NUP88: variants seen among roughly 807,000 people sequenced by gnomAD.
NUP88 encodes nucleoporin 88.
A neutral mutation model predicts 93.9 loss-of-function variants in NUP88; 57 were observed. That is an observed-to-expected ratio of 0.61 (90% CI 0.49 to 0.76). The LOEUF (loss-of-function observed/expected upper bound fraction) is 0.76. NUP88 is among the 30% of genes least tolerant of loss of function. NUP88 has a pLI of 0.00. For synonymous variants in NUP88, 346 were observed against 336.8 expected, an observed-to-expected ratio of 1.03 and a Z score of -0.30; for missense variants, 911 against 901.0, an observed-to-expected ratio of 1.01 and a Z score of -0.14.
Position 5,404,095 on chromosome 17 carries a change from T to C in NUP88, c.1192+4A>G. On this transcript the variant is annotated splice_donor_region_variant and intron_variant, in intron 7 of 16. Transcript: ENST00000573584. ...AAAAGCACTACATTTATTGAAGAGC[T>C]TACCTCTATGAAGTTTGACTGGACA... 1 of 1,613,770 alleles carries C rather than the reference T, an allele frequency of 6.2e-7. No individual in the cohort carries two copies. The highest frequency in any genetic ancestry group is 8.5e-7 in the Non-Finnish European group (1 of 1,179,760).
chr17:5,387,159 G>A lies in NUP88; in HGVS notation c.1917-49C>T, dbSNP rs141160431. Reference sequence around the variant, plus strand: ...CTCAATTTAAGGTCTCTACTAATTAGGAGAAACATAATCACAAGCTCATAA... The same window carrying A: ...CTCAATTTAAGGTCTCTACTAATTAAGAGAAACATAATCACAAGCTCATAA... On this transcript the variant is annotated intron_variant, in intron 14 of 16. Coordinates refer to ENST00000573584, the MANE Select transcript of NUP88 (RefSeq NM_002532.6). 1,123 of 1,587,514 alleles carry A rather than the reference G, an allele frequency of 7.1e-4. 6 individuals carry two copies. In the African/African-American group the frequency reaches 0.013, roughly 19 times the overall value.
chr17:5,390,483 T>A lies in NUP88; in HGVS notation c.1484+1078A>T, dbSNP rs1024282874. 2.0e-5 allele frequency among the ~76,000 whole-genome samples: 3 copies of A among 152,192 alleles called. No individual in the cohort carries two copies. In the East Asian group the frequency reaches 5.8e-4, roughly 29 times the overall value. On this transcript the variant is annotated intron_variant, in intron 10 of 16. Coordinates refer to ENST00000573584, the MANE Select transcript of NUP88 (RefSeq NM_002532.6). Reference sequence around the variant, plus strand: ...AAGGACAGTAAACTACTGCCAGTATTAGGAATTTATGTCAGCATCCAGAGG... The same window carrying A: ...AAGGACAGTAAACTACTGCCAGTATAAGGAATTTATGTCAGCATCCAGAGG...
At chr17:5,406,604 A>ATGGTGACGTAGGCAGG (rs1555529466) in intron 5 of NUP88, among the ~76,000 whole-genome samples, 2 of 151,506 alleles carry the variant, frequency 1.3e-5, no homozygotes, top group Admixed American at 1.3e-4. Context: ...AGCCAGGCAG[A>ATGGTGACGTAGGCAGG]TGGTGAAGTA....
At position 5,394,998 on chromosome 17, in the gene NUP88, T is replaced by G. The variant is rs767701288; in HGVS notation, c.1292-17A>C. ...CTTCTTCATCTACCATGGAAGACAT[T>G]ACATAAATGAAATGATGCTTAGACA... On this transcript the variant is annotated splice_polypyrimidine_tract_variant and intron_variant, in intron 8 of 16. Transcript: ENST00000573584. 6.8e-7 allele frequency: 1 copy of G among 1,470,930 alleles called. No individual in the cohort carries two copies. The highest frequency in any genetic ancestry group is 1.4e-5 in the African/African-American group (1 of 72,108). The allele number at this position is 1,470,930 out of a possible 1,614,324, so 91.1% of individuals were successfully genotyped here.
chr17:5,387,213 C>A (rs1436136591), intron 14 of NUP88, 103 bp from the exon 15 acceptor site: 3 of 1,402,108 alleles, frequency 2.1e-6, no homozygotes, highest in Non-Finnish European at 3.0e-6. Flanking sequence ...CTGAAGTAGG[C>A]CCCATAGGAA....
intron 16 of NUP88, 23 bp from the exon 17 acceptor site, chr17:5,386,292 A>G: frequency 6.4e-7 from 1 of 1,561,150 alleles, no homozygotes; most frequent in Non-Finnish European, 8.8e-7. Context: ...AAAGTCACTC[A>G]CTTTTGGAAT....
rs1806262 is a variant in NUP88 at position 5,413,976 on chromosome 17, C to A, written c.593+33G>T. 1.8e-5 allele frequency: 29 copies of A among 1,607,218 alleles called. No individual in the cohort carries two copies. The African/African-American group carries it at 3.5e-4, about 19-fold the overall frequency. On this transcript the variant is annotated intron_variant, in intron 3 of 16. Coordinates refer to ENST00000573584, the MANE Select transcript of NUP88 (RefSeq NM_002532.6). ...CAAACAGAAACAGAGCTTTCCCACT[C>A]GCAAGGCTTCAAGAGAGAGAAATAA...
chr17:5,419,572 G>A lies in NUP88; in HGVS notation c.79C>T (p.Leu27Phe), dbSNP rs1914476583. 2 of 1,610,740 alleles carry A rather than the reference G, an allele frequency of 1.2e-6. No homozygotes were observed. The highest frequency in any genetic ancestry group is 1.7e-6 in the Non-Finnish European group (2 of 1,177,800). Residue 27 changes from leucine (L) to phenylalanine (F), a missense_variant, in exon 1 of 17, where the codon CTC becomes TTC. Coordinates refer to ENST00000573584, the MANE Select transcript of NUP88 (RefSeq NM_002532.6). ...WLPNHVVFLR[L>F]REGLKNQSPT... ...CTCTGGTTTTTCAGTCCCTCCCGGAGCCGCAAGAACACGACGTGGTTAGGA... is the reference window on the plus strand; with the variant it reads ...CTCTGGTTTTTCAGTCCCTCCCGGAACCGCAAGAACACGACGTGGTTAGGA...
rs1478386096 is a variant in NUP88, at chr17:5,387,046, T to C, written c.1981A>G (p.Met661Val). The C allele has an allele frequency of 1.2e-6, 2 of 1,614,136 alleles. No homozygotes were observed. Among genetic ancestry groups the C allele is most frequent in the Non-Finnish European group, 1.7e-6 (2 of 1,179,974 alleles). ...LPVLSDSERD[M>V]KKELQLIPDQ... The stretch of plus-strand genomic sequence containing the variant: ...GGTATCAGCTGTAATTCTTTCTTCA[T>C]GTCTCGCTCACTATCAGAGAGAACT... Residue 661 changes from methionine to valine, a missense_variant, in exon 15 of 17, where the codon ATG becomes GTG. Met to Val is a conservative substitution (Grantham distance 21). Coordinates refer to ENST00000573584, the MANE Select transcript of NUP88 (RefSeq NM_002532.6).
At position 5,419,652 on chromosome 17, in the gene NUP88, T is replaced by G. The variant is rs370260185; in HGVS notation, c.-2A>C. 7 of 1,583,398 alleles carry G rather than the reference T, an allele frequency of 4.4e-6. No individual in the cohort carries two copies. The highest frequency in any genetic ancestry group is 6.0e-6 in the Non-Finnish European group (7 of 1,164,914). ...CACCGGTCCCTCGGCGGCCGCCATC[T>G]TGGCCCAACTGCTCCCCTCACTCCA... On this transcript the variant is annotated 5_prime_UTR_variant, in exon 1 of 17. Transcript: ENST00000573584.
At chr17:5,391,260 G>A (rs1431257546) in intron 10 of NUP88, among the ~76,000 whole-genome samples, 1 of 152,154 alleles carries the variant, frequency 6.6e-6, no homozygotes, top group East Asian at 1.9e-4. Flanking sequence ...GTCACAGCTT[G>A]ATAATTATTA....
At chr17:5,394,674 G>T (rs956879063) in intron 9 of NUP88, among the ~76,000 whole-genome samples, 1 of 152,082 alleles carries the variant, frequency 6.6e-6, no homozygotes, top group Non-Finnish European at 1.5e-5. Flanking sequence ...CTGGGGCTGG[G>T]GAAGGACCTT....
Position 5,408,818 on chromosome 17 carries a change from C to A in NUP88, c.772G>T (p.Gly258Cys). 1.2e-6 allele frequency: 2 copies of A among 1,614,032 alleles called. No homozygotes were observed. The highest frequency in any genetic ancestry group is 1.1e-5 in the South Asian group (1 of 91,056). Residue 258 changes from glycine to cysteine, a missense_variant, in exon 5 of 17, where the codon GGC becomes TGC. Gly to Cys is a radical substitution (Grantham distance 159). Coordinates refer to ENST00000573584, the MANE Select transcript of NUP88 (RefSeq NM_002532.6). The stretch of plus-strand genomic sequence containing the variant: ...GGGTATGCCACTACTTCATCTTTGC[C>A]GTTTTGTCCAAATAGAGTCTTTGGG... ...AVPKTLFGQN[G>C]KDEVVAYPLY...
chr17:5,412,259 T>A (rs1009869824), intron 3 of NUP88, among the ~76,000 whole-genome samples: 1 of 152,128 alleles, frequency 6.6e-6, no homozygotes, highest in Non-Finnish European at 1.5e-5. Flanking sequence ...AGTATAATGT[T>A]TGTAATGGGA....
At chr17:5,401,787 A>C (rs532231892) in intron 7 of NUP88, among the ~76,000 whole-genome samples, 14 of 152,348 alleles carry the variant, frequency 9.2e-5, no homozygotes, top group African/African-American at 3.1e-4. Flanking sequence ...TGTAGTGCTA[A>C]CATCAACAGA....
intron 13 of NUP88, 53 bp downstream of exon 13, chr17:5,387,552 A>G: frequency 1.9e-6 from 3 of 1,596,490 alleles, no homozygotes; most frequent in Admixed American, 1.7e-5. Context: ...TAGGGTGAGA[A>G]TATGGTTCCA....
chr17:5,408,407 G>A (rs1913620806), intron 5 of NUP88, among the ~76,000 whole-genome samples: 1 of 152,186 alleles, frequency 6.6e-6, no homozygotes, highest in Admixed American at 6.5e-5. Flanking sequence ...TGGGACATAA[G>A]ATACCAGATT....
intron 10 of NUP88, among the ~76,000 whole-genome samples, chr17:5,390,300 G>A (rs2144764496): frequency 6.6e-6 from 1 of 152,202 alleles, no homozygotes; most frequent in South Asian, 2.1e-4. Context: ...AGTATGCTGA[G>A]GTAACTTACA....
In NUP88 at chr17:5,412,529, A is replaced by C. The variant is rs1913896871; in HGVS notation, c.593+1480T>G. Among the ~76,000 whole-genome samples, 4 of 152,304 alleles carry C rather than the reference A, an allele frequency of 2.6e-5. No homozygotes were observed. In the South Asian group the frequency reaches 8.3e-4, roughly 32 times the overall value. ...GTCTTGGAACACACACCCTGCAGAT[A>C]AAGTATACTGTACCCCATCTTGAGA... On this transcript the variant is annotated intron_variant, in intron 3 of 16. Transcript: ENST00000573584.
Sources: gnomAD v4.1 joint callset for allele counts (sites outside exome capture counted in the v4.1 genomes callset) on GRCh38, gnomAD v4.1.1 for gene constraint, MANE v1.5 for transcripts, NCBI Gene and HGNC (gene_info 2026-07-23, HGNC 2026-07-21) for gene names.